The following ENOX1 variants were observed in gnomAD, a reference collection of about 807,000 sequenced individuals.
The protein encoded by ENOX1 is candidate growth-related and time keeping constitutive hydroquinone (NADH) oxidase.
A neutral mutation model predicts 82.5 loss-of-function variants in ENOX1; 42 were observed. The observed-to-expected ratio is 0.51, with a 90% CI of 0.40 to 0.66. ENOX1 has a LOEUF of 0.66. Ranked by LOEUF, ENOX1 falls within the 30% of genes least tolerant of loss-of-function variation. The pLI is 0.00. For synonymous variants in ENOX1, 271 were observed against 282.2 expected, an observed-to-expected ratio of 0.96 and a Z score of 0.40; for missense variants, 608 against 811.6, an observed-to-expected ratio of 0.75 and a Z score of 3.05.
intron 2 of ENOX1, among the ~76,000 whole-genome samples, chr13:43,486,348 C>T (rs1362501440): frequency 6.6e-6 from 1 of 151,968 alleles, no homozygotes; most frequent in Non-Finnish European, 1.5e-5. Flanking sequence ...TGCACCACTG[C>T]ACTCGGGCCT....
intron 5 of ENOX1, among the ~76,000 whole-genome samples, chr13:43,378,410 CTTGAG>C (rs950644437): frequency 3.9e-5 from 6 of 152,306 alleles, no homozygotes; most frequent in East Asian, 1.9e-4. Context: ...TAAAGCAAGT[CTTGAG>C]TTGAGAACTA....
chr13:43,447,828 T>C (rs191036075), intron 3 of ENOX1, among the ~76,000 whole-genome samples: 8 of 152,304 alleles, frequency 5.3e-5, no homozygotes, highest in Non-Finnish European at 1.0e-4. Context: ...ATCAAGAGTA[T>C]ATGATTTTCC....
intron 2 of ENOX1, among the ~76,000 whole-genome samples, chr13:43,564,488 G>GAGGAT (rs1417522636): frequency 9.2e-5 from 14 of 151,906 alleles, no homozygotes; most frequent in Non-Finnish European, 1.5e-5. Flanking sequence ...TGAGGAGGAG[G>GAGGAT]CCTAAAATAA....
chr13:43,430,103 T>C (rs1043088119), intron 3 of ENOX1, among the ~76,000 whole-genome samples: 6 of 152,244 alleles, frequency 3.9e-5, no homozygotes, highest in African/African-American at 2.4e-5. Flanking sequence ...CTGTGTAGCA[T>C]TGATTATCTT....
chr13:43,275,774 G>C (rs1211268003), intron 12 of ENOX1, among the ~76,000 whole-genome samples: 1 of 152,200 alleles, frequency 6.6e-6, no homozygotes, highest in African/African-American at 2.4e-5. Flanking sequence ...GGAAACAACA[G>C]TAAATAGCCT....
chr13:43,230,482 T>G (rs2042230586), intron 15 of ENOX1, among the ~76,000 whole-genome samples: 2 of 152,128 alleles, frequency 1.3e-5, no homozygotes, highest in Non-Finnish European at 2.9e-5. Flanking sequence ...TGTTTATATA[T>G]TGATGCACAT....
chr13:43,502,748 C>T (rs2077024548), intron 2 of ENOX1, among the ~76,000 whole-genome samples: 1 of 151,528 alleles, frequency 6.6e-6, no homozygotes, highest in Non-Finnish European at 1.5e-5. Flanking sequence ...TATGTATCAT[C>T]ACACTCAACG....
At chr13:43,341,670 A>T (rs2049070746) in intron 9 of ENOX1, among the ~76,000 whole-genome samples, 1 of 152,210 alleles carries the variant, frequency 6.6e-6, no homozygotes, top group African/African-American at 2.4e-5. Context: ...TATCAGATGG[A>T]ATGTGAAAAT....
intron 14 of ENOX1, among the ~76,000 whole-genome samples, chr13:43,260,629 T>C (rs1439380507): frequency 1.3e-5 from 2 of 152,254 alleles, no homozygotes; most frequent in Non-Finnish European, 1.5e-5. Context: ...GCGATCCTGC[T>C]GGGAAGAAGG....
At chr13:43,761,979 T>C (rs1320424956) in intron 1 of ENOX1, among the ~76,000 whole-genome samples, 1 of 152,190 alleles carries the variant, frequency 6.6e-6, no homozygotes, top group Non-Finnish European at 1.5e-5. Flanking sequence ...CTAAACCATA[T>C]GTCCTATAAA....
chr13:43,325,172 G>A (rs2048041128), intron 10 of ENOX1, among the ~76,000 whole-genome samples: 1 of 151,816 alleles, frequency 6.6e-6, no homozygotes, highest in South Asian at 2.1e-4. Flanking sequence ...GAGAACATCA[G>A]GTAAGCACCC....
chr13:43,427,998 C>T (rs557215231), intron 3 of ENOX1, among the ~76,000 whole-genome samples: 5 of 152,274 alleles, frequency 3.3e-5, no homozygotes, highest in Admixed American at 1.3e-4. Flanking sequence ...CAGCAATGCA[C>T]CAGGAGATAG....
intron 2 of ENOX1, among the ~76,000 whole-genome samples, chr13:43,533,444 AT>A (rs546486725): frequency 2.7e-3 from 412 of 152,102 alleles, no homozygotes; most frequent in Non-Finnish European, 4.5e-3. Flanking sequence ...TCTCTGATAT[AT>A]TTTTTCCATT....
intron 3 of ENOX1, among the ~76,000 whole-genome samples, chr13:43,426,001 T>A (rs1164772102): frequency 6.6e-6 from 1 of 152,200 alleles, no homozygotes; most frequent in Non-Finnish European, 1.5e-5. Flanking sequence ...AAACATCAGA[T>A]GTGAACACAC....
chr13:43,309,468 G>T (rs12857536), intron 11 of ENOX1, among the ~76,000 whole-genome samples: 17,304 of 152,218 alleles, frequency 0.11, 1,405 homozygotes, highest in Middle Eastern at 0.18. Flanking sequence ...GTATCATAGT[G>T]AGCTTGGCAG....
At chr13:43,345,325 A>G (rs576388946) in intron 8 of ENOX1, among the ~76,000 whole-genome samples, 1 of 152,344 alleles carries the variant, frequency 6.6e-6, no homozygotes, top group African/African-American at 2.4e-5. Context: ...TTTAGGGCTA[A>G]TACCATATAT....
chr13:43,311,530 C>T (rs2047203258), intron 11 of ENOX1, among the ~76,000 whole-genome samples: 1 of 152,102 alleles, frequency 6.6e-6, no homozygotes, highest in African/African-American at 2.4e-5. Flanking sequence ...TCTCACACTT[C>T]TTTATGTTAG....
chr13:43,461,880 A>C (rs1248867084), intron 3 of ENOX1, among the ~76,000 whole-genome samples: 3 of 152,234 alleles, frequency 2.0e-5, no homozygotes, highest in African/African-American at 7.2e-5. Context: ...AATTAGCGCA[A>C]TCACTTTTTT....
intron 2 of ENOX1, among the ~76,000 whole-genome samples, chr13:43,600,095 C>A (rs1282010394): frequency 6.6e-6 from 1 of 151,978 alleles, no homozygotes; most frequent in African/African-American, 2.4e-5. Context: ...CAGCATATTG[C>A]CAGCTGAAGT....
Sources: allele counts gnomAD v4.1 joint callset (sites outside exome capture counted in the v4.1 genomes callset), GRCh38; gene constraint gnomAD v4.1.1; transcripts MANE v1.5; gene names NCBI Gene and HGNC (gene_info 2026-07-23, HGNC 2026-07-21).